The following MYT1L variants were observed in gnomAD, a reference collection of about 807,000 sequenced individuals.
MYT1L encodes myelin transcription factor 1 like.
MYT1L carries 12 observed loss-of-function variants against 126.7 expected under a neutral mutation model. That is an observed-to-expected ratio of 0.09 (90% CI 0.06 to 0.15). MYT1L has a LOEUF of 0.15. Ranked by LOEUF, MYT1L falls within the 10% of genes least tolerant of loss-of-function variation. The pLI is 1.00. For missense variants in MYT1L, 979 were observed against 1,585.2 expected (o/e 0.62, Z 6.49); for synonymous variants, 541 against 604.2 (o/e 0.90, Z 1.53).
intron 15 of MYT1L, among the ~76,000 whole-genome samples, chr2:1,891,586 C>A (rs1356387048): frequency 2.6e-5 from 4 of 152,206 alleles, no homozygotes; most frequent in Non-Finnish European, 5.9e-5. Flanking sequence ...CTGATTTTTA[C>A]TTCCTTTCCC....
chr2:2,121,865 G>C (rs566205647), intron 3 of MYT1L, among the ~76,000 whole-genome samples: 1 of 152,134 alleles, frequency 6.6e-6, no homozygotes, highest in Non-Finnish European at 1.5e-5. Context: ...GGCTGCGGTC[G>C]CCTGTGATCT....
chr2:1,826,378 G>A (rs755130393), intron 21 of MYT1L, among the ~76,000 whole-genome samples: 8 of 152,116 alleles, frequency 5.3e-5, no homozygotes, highest in African/African-American at 9.7e-5. Flanking sequence ...TGGGGGGCGG[G>A]CGAATGTGGG....
chr2:2,305,784 C>T (rs1021084499), intron 1 of MYT1L, among the ~76,000 whole-genome samples: 4 of 151,952 alleles, frequency 2.6e-5, no homozygotes, highest in African/African-American at 7.3e-5. Flanking sequence ...GAAGTGTGGC[C>T]CACTTTCAAA....
At chr2:1,899,861 T>G (rs1309970423) in intron 14 of MYT1L, among the ~76,000 whole-genome samples, 2 of 152,140 alleles carry the variant, frequency 1.3e-5, no homozygotes, top group South Asian at 2.1e-4. Flanking sequence ...GACAGACACA[T>G]AGACAGACAC....
intron 2 of MYT1L, among the ~76,000 whole-genome samples, chr2:2,198,529 T>G (rs1261011662): frequency 6.6e-6 from 1 of 152,140 alleles, no homozygotes; most frequent in Non-Finnish European, 1.5e-5. Context: ...TCACACTGTA[T>G]TCCATAAACA....
At chr2:1,855,161 C>G (rs1225197986) in intron 18 of MYT1L, among the ~76,000 whole-genome samples, 4 of 152,172 alleles carry the variant, frequency 2.6e-5, no homozygotes, top group African/African-American at 9.7e-5. Context: ...GAAATCTCAA[C>G]ATTAAAAAAA....
chr2:2,165,288 TCACACA>T (rs34958118), intron 3 of MYT1L, among the ~76,000 whole-genome samples: 7 of 148,486 alleles, frequency 4.7e-5, no homozygotes, highest in Non-Finnish European at 9.0e-5. Context: ...CACAAACCAA[TCACACA>T]CACACACACA....
intron 8 of MYT1L, among the ~76,000 whole-genome samples, chr2:1,956,840 T>C (rs895398087): frequency 3.3e-5 from 5 of 151,228 alleles, no homozygotes; most frequent in African/African-American, 1.2e-4. Flanking sequence ...AAAAAAAAAA[T>C]CCATGTGTTT....
chr2:2,227,337 C>G (rs1047464865), intron 2 of MYT1L, among the ~76,000 whole-genome samples: 8 of 152,222 alleles, frequency 5.3e-5, no homozygotes, highest in Middle Eastern at 3.2e-3. Flanking sequence ...CAATGACCCA[C>G]TTGACATCTC....
At chr2:2,227,753 C>T (rs971649985) in intron 2 of MYT1L, among the ~76,000 whole-genome samples, 2 of 152,172 alleles carry the variant, frequency 1.3e-5, no homozygotes, top group East Asian at 1.9e-4. Context: ...TGATGATACC[C>T]ATGAAGTTAA....
intron 3 of MYT1L, among the ~76,000 whole-genome samples, chr2:2,071,749 T>A (rs974269954): frequency 2.0e-5 from 3 of 152,186 alleles, no homozygotes; most frequent in Non-Finnish European, 4.4e-5. Context: ...AAAATCACTT[T>A]GGCTGGAATG....
At chr2:1,899,109 T>C (rs928522504) in intron 14 of MYT1L, among the ~76,000 whole-genome samples, 4 of 148,760 alleles carry the variant, frequency 2.7e-5, no homozygotes, top group African/African-American at 7.6e-5. Context: ...GTGGGGTGTG[T>C]TGCCTGGAGA....
chr2:1,899,697 C>A (rs570190334), intron 14 of MYT1L, among the ~76,000 whole-genome samples: 1 of 152,246 alleles, frequency 6.6e-6, no homozygotes, highest in South Asian at 2.1e-4. Flanking sequence ...TCAAACTCTA[C>A]GATCTTACCT....
intron 2 of MYT1L, among the ~76,000 whole-genome samples, chr2:2,237,869 C>T (rs964447172): frequency 6.6e-6 from 1 of 152,174 alleles, no homozygotes; most frequent in Non-Finnish European, 1.5e-5. Context: ...CAGACAGAGG[C>T]AACCTGGGAC....
chr2:2,114,825 C>T (rs1022232934), intron 3 of MYT1L, among the ~76,000 whole-genome samples: 1 of 152,186 alleles, frequency 6.6e-6, no homozygotes, highest in African/African-American at 2.4e-5. Context: ...CTGCTTCAGT[C>T]TGGGCTTTTC....
chr2:1,942,843 TAA>T (rs1159775587), intron 9 of MYT1L, 137 bp downstream of exon 9: 11 of 1,114,038 alleles, frequency 9.9e-6, no homozygotes, highest in Non-Finnish European at 1.4e-5. Context: ...TCAGTTCATA[TAA>T]GAGGTTAATT....
intron 1 of MYT1L, among the ~76,000 whole-genome samples, chr2:2,321,388 T>C (rs1400893531): frequency 2.0e-5 from 3 of 152,174 alleles, no homozygotes; most frequent in African/African-American, 7.2e-5. Flanking sequence ...ACAACCAGTC[T>C]GGCTAGCATT....
chr2:2,069,544 G>A (rs543819770), intron 3 of MYT1L, among the ~76,000 whole-genome samples: 1 of 152,216 alleles, frequency 6.6e-6, no homozygotes, highest in South Asian at 2.1e-4. Context: ...GTGTGCATGT[G>A]TCTTTATAGT....
chr2:1,854,312 CT>C (rs985140386), intron 18 of MYT1L, among the ~76,000 whole-genome samples: 1 of 151,694 alleles, frequency 6.6e-6, no homozygotes, highest in African/African-American at 2.4e-5. Flanking sequence ...TAAAGTAGGG[CT>C]TTTTTTGAGA....
Sources: allele counts gnomAD v4.1 joint callset (sites outside exome capture counted in the v4.1 genomes callset), GRCh38; gene constraint gnomAD v4.1.1; transcripts MANE v1.5; gene names NCBI Gene and HGNC (gene_info 2026-07-23, HGNC 2026-07-21).